The following SELP variants were observed in gnomAD, a reference collection of about 807,000 sequenced individuals.
SELP encodes the protein selectin P.
A neutral mutation model predicts 104.1 loss-of-function variants in SELP; 92 were observed. That is an observed-to-expected ratio of 0.88 (90% CI 0.75 to 1.05). SELP has a LOEUF of 1.05. SELP is among the 50% of genes least tolerant of loss of function. The pLI, the probability that SELP is intolerant of heterozygous loss-of-function variation, is 0.00. For synonymous variants in SELP, 397 were observed against 364.5 expected, an observed-to-expected ratio of 1.09 and a Z score of -1.01; for missense variants, 1,022 against 1,017.3, an observed-to-expected ratio of 1.00 and a Z score of -0.06.
Position 169,609,519 on chromosome 1 carries a change from C to A in SELP, c.1318G>T (p.Ala440Ser). The change falls in exon 8 of 17, where the codon GCC (alanine) becomes TCC (serine). Residue 440 changes from alanine to serine, a missense_variant. Ala to Ser is a moderately conservative substitution (Grantham distance 99). Transcript: ENST00000263686. ...GTTACAGTACCTTGACAGACTGGGG[C>A]TGGTGCTGTCCACTGTCCCAAGTTA... ...CDNLGQWTAP[A>S]PVCQALQCQD... The A allele has an allele frequency of 6.2e-7, 1 of 1,613,080 alleles. No homozygotes were observed. The highest frequency in any genetic ancestry group is 1.7e-4 in the Middle Eastern group (1 of 6,056).
At chr1:169,602,066 A>C (rs750032715) in intron 10 of SELP, among the ~76,000 whole-genome samples, 4 of 152,188 alleles carry the variant, frequency 2.6e-5, no homozygotes, top group South Asian at 2.1e-4. Flanking sequence ...AATTAAAGAC[A>C]GATAAGATCT....
chr1:169,605,325 A>G (rs1242044188), intron 9 of SELP, among the ~76,000 whole-genome samples: 3 of 152,202 alleles, frequency 2.0e-5, no homozygotes, highest in Non-Finnish European at 4.4e-5. Context: ...CCAGCTCTGA[A>G]GGTGCACCCA....
intron 3 of SELP, among the ~76,000 whole-genome samples, chr1:169,614,495 A>C (rs918249917): frequency 6.6e-6 from 1 of 152,206 alleles, no homozygotes; most frequent in Admixed American, 6.5e-5. Flanking sequence ...AATTAGTATT[A>C]GAATTGATAC....
chr1:169,604,616 T>C (rs1175581381), intron 9 of SELP, among the ~76,000 whole-genome samples: 2 of 152,230 alleles, frequency 1.3e-5, no homozygotes, highest in Non-Finnish European at 2.9e-5. Flanking sequence ...CCTTCCCCTC[T>C]CTAGCTACAT....
chr1:169,604,309 T>C (rs3917767), intron 9 of SELP, among the ~76,000 whole-genome samples: 2,370 of 152,198 alleles, frequency 0.016, 39 homozygotes, highest in African/African-American at 0.048. Context: ...TTTGTTTTTT[T>C]CTTGTAAATT....
At chr1:169,615,056 A>C (rs1662739091) in intron 3 of SELP, among the ~76,000 whole-genome samples, 1 of 152,226 alleles carries the variant, frequency 6.6e-6, no homozygotes, top group Admixed American at 6.5e-5. Flanking sequence ...GGTTTCCTGA[A>C]TAGATAGGTT....
At chr1:169,626,366 G>T (rs1663373691) in intron 1 of SELP, among the ~76,000 whole-genome samples, 2 of 152,344 alleles carry the variant, frequency 1.3e-5, no homozygotes, top group South Asian at 4.1e-4. Context: ...CAGATCCCTT[G>T]AGGTCAGAAG....
intron 3 of SELP, among the ~76,000 whole-genome samples, chr1:169,616,619 C>G (rs770478937): frequency 2.0e-5 from 3 of 152,266 alleles, no homozygotes; most frequent in African/African-American, 4.8e-5. Flanking sequence ...AGGGGCAGGG[C>G]TAAATTTCCT....
chr1:169,616,653 C>T (rs1197517030), intron 3 of SELP, among the ~76,000 whole-genome samples: 3 of 151,782 alleles, frequency 2.0e-5, no homozygotes, highest in Non-Finnish European at 4.4e-5. Context: ...CTCTGTTATA[C>T]AAGACACAGG....
At chr1:169,596,782 C>T (rs1378769211) in intron 11 of SELP, among the ~76,000 whole-genome samples, 3 of 152,186 alleles carry the variant, frequency 2.0e-5, no homozygotes, top group Non-Finnish European at 4.4e-5. Context: ...AAACAAAATT[C>T]CTGCTTAAGA....
At position 169,603,686 on chromosome 1, in the gene SELP, T is replaced by C. The variant is rs1571638452; in HGVS notation, c.1520-475A>G. Among the ~76,000 whole-genome samples, 7 of 152,292 alleles carry C rather than the reference T, an allele frequency of 4.6e-5. 2 individuals are homozygous for C. ...ATGGAGGAAAATACTTTCTTCCCCC[T>C]TTCCCAACCAAGTGGTGGAATCTGC... On this transcript the variant is annotated intron_variant, in intron 9 of 16. Coordinates refer to ENST00000263686, the MANE Select transcript of SELP (RefSeq NM_003005.4).
intron 16 of SELP, 108 bp downstream of exon 16, chr1:169,590,039 A>G: frequency 5.4e-6 from 4 of 739,332 alleles, no homozygotes; most frequent in African/African-American, 1.8e-5. Context: ...AATTTAATAC[A>G]TACTTAAAAT....
chr1:169,602,082 C>T (rs1255458799), intron 10 of SELP, among the ~76,000 whole-genome samples: 1 of 152,036 alleles, frequency 6.6e-6, no homozygotes, highest in Non-Finnish European at 1.5e-5. Flanking sequence ...GATCTGGCCC[C>T]TGCCTTTGAG....
intron 3 of SELP, 74 bp downstream of exon 3, chr1:169,616,954 G>GTCTCC: frequency 8.1e-6 from 12 of 1,472,534 alleles, no homozygotes; most frequent in South Asian, 5.7e-5. Context: ...TGACTCGGTG[G>GTCTCC]TTATGTTGGC....
chr1:169,612,921 C>A lies in SELP; in HGVS notation c.775+8G>T. The A allele has an allele frequency of 6.3e-7, 1 of 1,592,878 alleles. No homozygotes were observed. The highest frequency in any genetic ancestry group is 1.1e-5 in the South Asian group (1 of 89,250). On this transcript the variant is annotated splice_region_variant and intron_variant, in intron 5 of 16. Coordinates refer to ENST00000263686, the MANE Select transcript of SELP (RefSeq NM_003005.4). ...TCAGTGAGGATGAAAAGAATAAGGTCTACATACCTAAACACTGTGGAGGCT... is the reference window on the plus strand; with the variant it reads ...TCAGTGAGGATGAAAAGAATAAGGTATACATACCTAAACACTGTGGAGGCT...
chr1:169,621,788 G>C (rs1237497269), intron 1 of SELP, among the ~76,000 whole-genome samples: 1 of 152,154 alleles, frequency 6.6e-6, no homozygotes, highest in Admixed American at 6.5e-5. Flanking sequence ...ATAACGTTAT[G>C]ATTTACAGCT....
intron 3 of SELP, among the ~76,000 whole-genome samples, chr1:169,614,901 C>G (rs559187844): frequency 2.6e-5 from 4 of 152,150 alleles, no homozygotes; most frequent in African/African-American, 7.2e-5. Flanking sequence ...TTAACCCCAC[C>G]AATGTCTTAA....
chr1:169,590,486 G>C (rs1661302905), intron 15 of SELP, among the ~76,000 whole-genome samples: 1 of 152,178 alleles, frequency 6.6e-6, no homozygotes, highest in Non-Finnish European at 1.5e-5. Context: ...GGTGACAAGA[G>C]GTAGTTACAA....
chr1:169,610,364 G>C (rs965793770), intron 7 of SELP, among the ~76,000 whole-genome samples: 2 of 152,126 alleles, frequency 1.3e-5, no homozygotes, highest in Admixed American at 6.5e-5. Flanking sequence ...CCTCAGTTCT[G>C]ATAAAGATTG....
Sources: gnomAD v4.1 joint callset for allele counts (sites outside exome capture counted in the v4.1 genomes callset) on GRCh38, gnomAD v4.1.1 for gene constraint, MANE v1.5 for transcripts, NCBI Gene and HGNC (gene_info 2026-07-23, HGNC 2026-07-21) for gene names.